GLDC: variants seen among roughly 807,000 people sequenced by gnomAD.
GLDC encodes the protein glycine decarboxylase, also known as glycine dehydrogenase (decarboxylating), mitochondrial.
Under a neutral mutation model 121.3 loss-of-function variants are expected in GLDC, and 104 were observed. The observed-to-expected ratio is 0.86, with a 90% CI of 0.73 to 1.01. The LOEUF (loss-of-function observed/expected upper bound fraction) is 1.01, where lower values mean the gene tolerates loss of function less well. GLDC is among the 50% of genes least tolerant of loss of function. The pLI is 0.00. For missense variants in GLDC, 1,429 were observed against 1,306.6 expected (o/e 1.09, Z -1.44); for synonymous variants, 546 against 480.6 (o/e 1.14, Z -1.78).
Position 6,586,188 on chromosome 9 carries a change from G to A in GLDC, c.1850+953C>T, listed in dbSNP as rs111741870. 7.1e-3 allele frequency among the ~76,000 whole-genome samples: 1,081 copies of A among 152,160 alleles called. 12 individuals are homozygous for A. Among genetic ancestry groups the A allele is most frequent in the African/African-American group, 0.024 (998 of 41,500 alleles). On this transcript the variant is annotated intron_variant, in intron 15 of 24. Transcript: ENST00000321612. ...CACATGCCTGTAATCCCAGCTACTC[G>A]GGAGGCTGAGGCAGGAGAATCTCTT...
intron 22 of GLDC, among the ~76,000 whole-genome samples, chr9:6,536,462 C>T (rs1256290962): frequency 6.6e-6 from 1 of 152,032 alleles, no homozygotes; most frequent in African/African-American, 2.4e-5. Flanking sequence ...TTACAGAGCA[C>T]CTATATGGTA....
At chr9:6,642,953 C>T (rs1587988570) in intron 2 of GLDC, among the ~76,000 whole-genome samples, 1 of 151,642 alleles carries the variant, frequency 6.6e-6, no homozygotes, top group Non-Finnish European at 1.5e-5. Context: ...GGTGGAAGTG[C>T]AGTGGAGCCA....
At chr9:6,604,986 C>T (rs1818700273) in intron 6 of GLDC, 145 bp downstream of exon 6, 1 of 961,720 alleles carries the variant, frequency 1.0e-6, no homozygotes, top group African/African-American at 1.6e-5. Context: ...AAAGTAGCAG[C>T]AAGGAGTCAG....
chr9:6,561,075 C>A (rs1456338763), intron 16 of GLDC, among the ~76,000 whole-genome samples: 1 of 152,238 alleles, frequency 6.6e-6, no homozygotes, highest in Non-Finnish European at 1.5e-5. Context: ...GCTCTACCAA[C>A]ACTTTGACTT....
chr9:6,563,266 G>A (rs1817792676), intron 16 of GLDC, among the ~76,000 whole-genome samples: 1 of 152,214 alleles, frequency 6.6e-6, no homozygotes. Context: ...TGTCAGATTG[G>A]GAAATTTGGG....
intron 15 of GLDC, among the ~76,000 whole-genome samples, chr9:6,568,617 G>A (rs368194412): frequency 6.6e-6 from 1 of 152,210 alleles, no homozygotes; most frequent in Non-Finnish European, 1.5e-5. Context: ...GGAGGCCAAG[G>A]TGGGCGGATC....
intron 22 of GLDC, among the ~76,000 whole-genome samples, chr9:6,539,412 G>C (rs1817205953): frequency 6.6e-6 from 1 of 152,134 alleles, no homozygotes; most frequent in Non-Finnish European, 1.5e-5. Context: ...CCAGGAGGTG[G>C]AGGTTGCAGT....
intron 21 of GLDC, among the ~76,000 whole-genome samples, chr9:6,546,341 C>A (rs1044019293): frequency 5.3e-5 from 8 of 151,516 alleles, no homozygotes; most frequent in African/African-American, 1.9e-4. Flanking sequence ...TACAGGTGTG[C>A]ACCACCATGG....
chr9:6,599,225 A>C (rs988363573), intron 8 of GLDC, among the ~76,000 whole-genome samples: 3 of 151,986 alleles, frequency 2.0e-5, no homozygotes, highest in African/African-American at 4.8e-5. Context: ...TAACTGGTTC[A>C]CTGCAGACAG....
chr9:6,616,591 G>A (rs1284618928), intron 3 of GLDC, among the ~76,000 whole-genome samples: 3 of 152,164 alleles, frequency 2.0e-5, no homozygotes, highest in East Asian at 1.9e-4. Flanking sequence ...CTGCCATCAT[G>A]TTTACAAGAG....
chr9:6,552,537 G>C (rs1464988192), intron 20 of GLDC, among the ~76,000 whole-genome samples: 4 of 152,178 alleles, frequency 2.6e-5, no homozygotes, highest in Non-Finnish European at 5.9e-5. Flanking sequence ...TTTTCGTGAA[G>C]AATCATAAAT....
intron 3 of GLDC, among the ~76,000 whole-genome samples, chr9:6,614,262 T>A (rs925954639): frequency 1.7e-4 from 26 of 152,066 alleles, no homozygotes; most frequent in Admixed American, 1.6e-3. Context: ...TGAGACAGAG[T>A]CTTGCTCTGT....
Position 6,617,353 on chromosome 9 carries a change from G to A in GLDC, c.470+2831C>T, listed in dbSNP as rs564750526. ...CTGCTCCTACGGTAAATTAACATCC[G>A]CCCACAGCCAGAAAGCAATATGGTG... On this transcript the variant is annotated intron_variant, in intron 3 of 24. Transcript: ENST00000321612. Among the ~76,000 whole-genome samples, 14 of 152,144 alleles carry A rather than the reference G, an allele frequency of 9.2e-5. No individual in the cohort carries two copies. In the East Asian group the frequency reaches 1.7e-3, roughly 19 times the overall value.
intron 2 of GLDC, among the ~76,000 whole-genome samples, chr9:6,644,013 G>A (rs137895031): frequency 0.028 from 2,496 of 89,028 alleles, 108 homozygotes; most frequent in African/African-American, 0.1. Flanking sequence ...CAGCCTGGGC[G>A]ACAGAGATTC....
chr9:6,644,949 G>A lies in GLDC; in HGVS notation c.256-257C>T, dbSNP rs181849796. 9.8e-6 allele frequency: 6 copies of A among 611,002 alleles called. No homozygotes were observed. In the East Asian group the frequency reaches 1.6e-4, roughly 17 times the overall value. 37.8% of individuals were successfully genotyped at this position (611,002 alleles called of 1,614,324 possible). ...CCGGTAAGCCCACTCTTAATCAGGG[G>A]GTCTTCCTCCTCTTGCAAAGTTTAG... is the stretch of plus-strand genomic sequence containing the variant. On this transcript the variant is annotated intron_variant, in intron 1 of 24. Coordinates refer to ENST00000321612, the MANE Select transcript of GLDC (RefSeq NM_000170.3).
intron 11 of GLDC, 165 bp downstream of exon 11, chr9:6,591,978 C>G (rs1412882089): frequency 1.5e-6 from 1 of 665,304 alleles, no homozygotes; most frequent in Non-Finnish European, 2.7e-6. Context: ...GCAGTGACCT[C>G]CAGCTGTCAG....
chr9:6,565,348 A>T lies in GLDC; in HGVS notation c.1926+6T>A. Reference sequence around the variant, plus strand: ...GTGAGCAAGCGCCACCTCCTGCCATACTCACCGTTCTGTGCCCCTCTCCTT... The same window carrying T: ...GTGAGCAAGCGCCACCTCCTGCCATTCTCACCGTTCTGTGCCCCTCTCCTT... On this transcript the variant is annotated splice_donor_region_variant and intron_variant, in intron 16 of 24. Transcript: ENST00000321612. 6.2e-7 allele frequency: 1 copy of T among 1,607,786 alleles called. No homozygotes were observed. Among genetic ancestry groups the T allele is most frequent in the Non-Finnish European group, 8.5e-7 (1 of 1,174,250 alleles).
In GLDC at chr9:6,589,263, C is replaced by G; in HGVS notation, c.1512G>C (p.Glu504Asp). ...ACACAGACCCTGGAATACCTCTGCA[C>G]TCCTCTCCCATGCTTTCAGCAACCA... Reference protein sequence around the residue: ...AELVAESMGEECRGIPGSVFK... With the variant: ...AELVAESMGEDCRGIPGSVFK... Residue 504 changes from glutamate (E) to aspartate (D), a missense_variant, in exon 12 of 25, where the codon GAG becomes GAC. Physicochemically the swap from Glu to Asp is conservative, Grantham distance 45 (BLOSUM62 2). Transcript: ENST00000321612. The G allele has an allele frequency of 5.6e-6, 9 of 1,609,734 alleles. No homozygotes were observed. The highest frequency in any genetic ancestry group is 7.7e-6 in the Non-Finnish European group (9 of 1,175,934).
At position 6,584,010 on chromosome 9, in the gene GLDC, C is replaced by T. The variant is rs574598554; in HGVS notation, c.1850+3131G>A. 9.9e-5 allele frequency among the ~76,000 whole-genome samples: 15 copies of T among 152,188 alleles called. No homozygotes were observed. In the South Asian group the frequency reaches 2.7e-3, roughly 27 times the overall value. ...CCTCTGAACTGTACACTTAAAAATA[C>T]GTAAAGCAGTAAATTTTGTGTTATG... On this transcript the variant is annotated intron_variant, in intron 15 of 24. Transcript: ENST00000321612.
Sources: allele counts gnomAD v4.1 joint callset (sites outside exome capture counted in the v4.1 genomes callset), GRCh38; gene constraint gnomAD v4.1.1; transcripts MANE v1.5; gene names NCBI Gene and HGNC (gene_info 2026-07-23, HGNC 2026-07-21).